The following CAMSAP2 variants were observed in gnomAD, a reference collection of about 807,000 sequenced individuals.
The protein encoded by CAMSAP2 is calmodulin regulated spectrin associated protein family member 2.
In CAMSAP2, 26 loss-of-function variants were observed where a neutral mutation model predicts 146.1. The ratio of observed to expected loss-of-function variants is 0.18; its 90% confidence interval spans 0.13 to 0.25. The LOEUF is 0.25. Among genes scored for constraint, CAMSAP2 ranks in the 10% least tolerant of loss-of-function variants. CAMSAP2 has a pLI of 1.00. For synonymous variants in CAMSAP2, 499 were observed against 596.6 expected (o/e 0.84, Z 2.38); for missense variants, 1,381 against 1,759.3 (o/e 0.78, Z 3.85).
At chr1:200,785,224 G>A (rs1006766699) in intron 2 of CAMSAP2, among the ~76,000 whole-genome samples, 1 of 152,202 alleles carries the variant, frequency 6.6e-6, no homozygotes, top group African/African-American at 2.4e-5. Context: ...TCTTTGTCTT[G>A]TGTTAGCATC....
chr1:200,772,216 ATTTTT>A lies in CAMSAP2; in HGVS notation c.399+11121_399+11125del, dbSNP rs540860984. Among the ~76,000 whole-genome samples the A allele has an allele frequency of 3.6e-4, 54 of 152,070 alleles. 1 individual carries two copies. Among genetic ancestry groups the A allele is most frequent in the Non-Finnish European group, 1.8e-4 (12 of 67,984 alleles). Reference sequence around the variant, plus strand: ...CAAAAGTACTTATCCTTGTAACTTTATTTTTTTAAGATTCTATTTGAAAAAAAAAT... The same window carrying A: ...CAAAAGTACTTATCCTTGTAACTTTATTAAGATTCTATTTGAAAAAAAAAT... On this transcript the variant is annotated intron_variant, in intron 2 of 16. Coordinates refer to ENST00000358823, the MANE Select transcript of CAMSAP2 (RefSeq NM_203459.4).
chr1:200,782,976 G>T lies in CAMSAP2; in HGVS notation c.399+21878G>T, dbSNP rs11807764. 2.7e-3 allele frequency among the ~76,000 whole-genome samples: 411 copies of T among 151,668 alleles called. 13 individuals are homozygous for T. The highest frequency in any genetic ancestry group is 3.4e-3 in the Middle Eastern group (1 of 292). ...ACATAGGGTTTCACTGTGTTGCCCA[G>T]CCTGGTCTGGAACTATTGGAATCAA... On this transcript the variant is annotated intron_variant, in intron 2 of 16. Coordinates refer to ENST00000358823, the MANE Select transcript of CAMSAP2 (RefSeq NM_203459.4).
At chr1:200,816,747 CGT>C (rs1169635769) in intron 4 of CAMSAP2, among the ~76,000 whole-genome samples, 2 of 88,386 alleles carry the variant, frequency 2.3e-5, no homozygotes, top group African/African-American at 5.2e-5. Flanking sequence ...CACACACACG[CGT>C]GTATATATGT....
At chr1:200,806,765 G>GTATC (rs149381434) in intron 2 of CAMSAP2, among the ~76,000 whole-genome samples, 8,475 of 140,086 alleles carry the variant, frequency 0.06, 318 homozygotes, top group East Asian at 0.12. Context: ...GTGTGTGTGT[G>GTATC]TATCTATCTA....
At chr1:200,833,580 C>A (rs1006942594) in intron 6 of CAMSAP2, among the ~76,000 whole-genome samples, 49 of 152,014 alleles carry the variant, frequency 3.2e-4, no homozygotes, top group African/African-American at 1.1e-3. Context: ...AAAAAAAAGT[C>A]ATGTACAAAA....
chr1:200,750,873 G>T (rs1664483697), intron 1 of CAMSAP2, among the ~76,000 whole-genome samples: 1 of 149,922 alleles, frequency 6.7e-6, no homozygotes, highest in Non-Finnish European at 1.5e-5. Context: ...AAAATGCTGG[G>T]ATTATAGGCA....
chr1:200,774,006 C>T (rs369609203), intron 2 of CAMSAP2, among the ~76,000 whole-genome samples: 2 of 152,090 alleles, frequency 1.3e-5, no homozygotes, highest in South Asian at 4.1e-4. Flanking sequence ...ATTAAAACTA[C>T]ATATTTTTCT....
intron 2 of CAMSAP2, among the ~76,000 whole-genome samples, chr1:200,767,740 T>G (rs899061108): frequency 1.3e-5 from 2 of 152,192 alleles, no homozygotes; most frequent in South Asian, 2.1e-4. Context: ...ATTAATTACA[T>G]TCTCATAGAT....
Position 200,857,641 on chromosome 1 carries a change from A to C in CAMSAP2, c.4132-113A>C. The stretch of plus-strand genomic sequence containing the variant: ...AATAGGCTTTAAGATTTGTCATTGA[A>C]ATAATGTTATAAAATGTGACTAAGA... On this transcript the variant is annotated intron_variant, in intron 16 of 16. Transcript: ENST00000358823. The surrounding 1 kb of genome is among the most constrained non-coding windows in gnomAD (Gnocchi z 4.7). 9.8e-7 allele frequency: 1 copy of C among 1,016,990 alleles called. No homozygotes were observed. Among genetic ancestry groups the C allele is most frequent in the Non-Finnish European group, 1.4e-6 (1 of 705,748 alleles). The allele number at this position is 1,016,990 out of a possible 1,614,324, so 63.0% of individuals were successfully genotyped here. A position where few individuals can be genotyped will look rare whatever the true frequency, so the allele number is the denominator to read the frequency against.
At chr1:200,828,149 C>G (rs2102207550) in intron 4 of CAMSAP2, among the ~76,000 whole-genome samples, 1 of 152,016 alleles carries the variant, frequency 6.6e-6, no homozygotes, top group Non-Finnish European at 1.5e-5. Flanking sequence ...TTCTACTTTG[C>G]TTTTTGGGGA....
At chr1:200,816,827 C>G (rs1332706487) in intron 4 of CAMSAP2, among the ~76,000 whole-genome samples, 1 of 97,942 alleles carries the variant, frequency 1.0e-5, no homozygotes, top group Non-Finnish European at 2.1e-5. Flanking sequence ...TGTACACACA[C>G]ACGCGTGTGT....
At position 200,848,684 on chromosome 1, in the gene CAMSAP2, G is replaced by C. The variant is rs1667528533; in HGVS notation, c.1915G>C (p.Asp639His). The change falls in exon 11 of 17, where the codon GAC becomes CAC. Residue 639 changes from aspartate to histidine, a missense_variant. Asp to His is a moderately conservative substitution (Grantham distance 81). Around this residue, in one of 4 missense-constraint regions of CAMSAP2, gnomAD observed 447 missense variants for 462.2 expected, o/e 0.97. Coordinates refer to ENST00000358823, the MANE Select transcript of CAMSAP2 (RefSeq NM_203459.4). ...LRDYTVSLDS[D>H]MDDASKFLQD... The stretch of plus-strand genomic sequence containing the variant: ...AGATTATACTGTAAGCTTGGACTCT[G>C]ACATGGATGATGCATCTAAATTTCT... 1 of 1,613,992 alleles carries C rather than the reference G, an allele frequency of 6.2e-7. No homozygotes were observed. The highest frequency in any genetic ancestry group is 8.5e-7 in the Non-Finnish European group (1 of 1,179,986).
intron 2 of CAMSAP2, among the ~76,000 whole-genome samples, chr1:200,806,811 A>G (rs927632283): frequency 3.7e-5 from 5 of 136,312 alleles, no homozygotes; most frequent in African/African-American, 1.0e-4. Flanking sequence ...CTATCTATCT[A>G]TCTATGCCAA....
At chr1:200,783,188 T>TGGA (rs1665489256) in intron 2 of CAMSAP2, among the ~76,000 whole-genome samples, 1 of 152,220 alleles carries the variant, frequency 6.6e-6, no homozygotes, top group Non-Finnish European at 1.5e-5. Context: ...GTTGCTCCAC[T>TGGA]TCTTTGCCAA....
At position 200,808,306 on chromosome 1, in the gene CAMSAP2, TTG is replaced by T. The variant is rs1282225019; in HGVS notation, c.561+771_561+772del. Among the ~76,000 whole-genome samples, 3 of 152,354 alleles carry T rather than the reference TTG, an allele frequency of 2.0e-5. No individual in the cohort carries two copies. The East Asian group carries it at 5.8e-4, about 29-fold the overall frequency. On this transcript the variant is annotated intron_variant, in intron 3 of 16. Coordinates refer to ENST00000358823, the MANE Select transcript of CAMSAP2 (RefSeq NM_203459.4). ...GATTTGTGCTTTGAAGATGCTTAAT[TTG>T]TCAGCTTATCACTCCCTTTGCCAAT... is the stretch of plus-strand genomic sequence containing the variant.
At chr1:200,756,500 G>A (rs939699811) in intron 1 of CAMSAP2, among the ~76,000 whole-genome samples, 2 of 151,814 alleles carry the variant, frequency 1.3e-5, no homozygotes, top group African/African-American at 2.4e-5. Context: ...GGTGAAATTA[G>A]GACTCAACCG....
intron 1 of CAMSAP2, among the ~76,000 whole-genome samples, chr1:200,757,230 T>A (rs562657538): frequency 6.6e-6 from 1 of 152,234 alleles, no homozygotes; most frequent in South Asian, 2.1e-4. Context: ...CCTTTATTGC[T>A]TTTAATAAAT....
chr1:200,791,849 T>C (rs983114988), intron 2 of CAMSAP2, among the ~76,000 whole-genome samples: 2 of 151,922 alleles, frequency 1.3e-5, no homozygotes, highest in African/African-American at 4.8e-5. Flanking sequence ...GCCTGTAATC[T>C]CAGTTACTCA....
intron 4 of CAMSAP2, among the ~76,000 whole-genome samples, chr1:200,820,364 C>T (rs1666724971): frequency 6.6e-6 from 1 of 152,076 alleles, no homozygotes; most frequent in South Asian, 2.1e-4. Flanking sequence ...CAATGTTTCT[C>T]AAAGTATTAA....
Sources: allele counts gnomAD v4.1 joint callset (sites outside exome capture counted in the v4.1 genomes callset), GRCh38; gene constraint gnomAD v4.1.1; regional missense constraint gnomAD v4.1.1; non-coding constraint Gnocchi (gnomAD v3.1); transcripts MANE v1.5; gene names NCBI Gene and HGNC (gene_info 2026-07-23, HGNC 2026-07-21).